Variants in TMIGD1 observed in about 807,000 individuals in gnomAD.
TMIGD1 encodes the protein transmembrane and immunoglobulin domain-containing protein 1.
A neutral mutation model predicts 27.5 loss-of-function variants in TMIGD1; 29 were observed. That is an observed-to-expected ratio of 1.05 (90% CI 0.78 to 1.44). TMIGD1 has a LOEUF of 1.44. Ranked by LOEUF, TMIGD1 falls within the 40% of genes most tolerant of loss-of-function variation. The probability of loss-of-function intolerance (pLI) is 0.00; values close to 1 mark genes in which losing one functional copy is unlikely to be tolerated. For missense variants in TMIGD1, 334 were observed against 310.6 expected (o/e 1.08, Z -0.57); for synonymous variants, 109 against 110.3 (o/e 0.99, Z 0.07).
At chr17:30,322,399 A>G (rs1909647402) in intron 4 of TMIGD1, among the ~76,000 whole-genome samples, 2 of 152,256 alleles carry the variant, frequency 1.3e-5, no homozygotes, top group Admixed American at 1.3e-4. Context: ...AGGTGGGACA[A>G]TAAGAAAAAG....
chr17:30,324,578 T>G (rs1006161396), intron 4 of TMIGD1, among the ~76,000 whole-genome samples: 1 of 152,220 alleles, frequency 6.6e-6, no homozygotes, highest in African/African-American at 2.4e-5. Flanking sequence ...TTTCCTATAT[T>G]TGGTTCTAAG....
chr17:30,333,775 T>C (rs1299893759), intron 1 of TMIGD1, among the ~76,000 whole-genome samples: 1 of 152,172 alleles, frequency 6.6e-6, no homozygotes, highest in African/African-American at 2.4e-5. Context: ...ATGTGGTCAA[T>C]AGTAGAGTTT....
chr17:30,316,701 T>C lies in TMIGD1; in HGVS notation c.786-11A>G, dbSNP rs1367396492. ...TCTCAGCTTTCTCATCTGAAATGAA[T>C]GAAGAAATTAATAATAATGATGCTC... On this transcript the variant is annotated splice_polypyrimidine_tract_variant and intron_variant, in intron 6 of 6. Transcript: ENST00000328886. 4 of 1,612,504 alleles carry C rather than the reference T, an allele frequency of 2.5e-6. No individual in the cohort carries two copies. The highest frequency in any genetic ancestry group is 3.4e-6 in the Non-Finnish European group (4 of 1,179,296).
At position 30,332,034 on chromosome 17, in the gene TMIGD1, A is replaced by G. The variant is rs745774564; in HGVS notation, c.82+18T>C. 1.9e-6 allele frequency: 3 copies of G among 1,581,990 alleles called. No individual in the cohort carries two copies. The highest frequency in any genetic ancestry group is 3.5e-5 in the Admixed American group (2 of 57,496). On this transcript the variant is annotated intron_variant, in intron 2 of 6. Transcript: ENST00000328886. ...TTTTTCTTTATCTAAAAAGAGGCCA[A>G]AAAGAACTTTAACTTACTTGTCATC...
chr17:30,320,041 A>T (rs552109560), intron 4 of TMIGD1, among the ~76,000 whole-genome samples: 11 of 144,840 alleles, frequency 7.6e-5, no homozygotes, highest in African/African-American at 2.3e-4. Context: ...ACTGAGAGCT[A>T]TTTTTTTTTT....
chr17:30,323,755 G>A (rs889225167), intron 4 of TMIGD1, among the ~76,000 whole-genome samples: 5 of 151,886 alleles, frequency 3.3e-5, no homozygotes, highest in Admixed American at 3.3e-4. Flanking sequence ...TCTTGGGGGA[G>A]GTAAATAACC....
intron 5 of TMIGD1, among the ~76,000 whole-genome samples, chr17:30,318,532 A>C (rs1909494445): frequency 6.6e-6 from 1 of 152,164 alleles, no homozygotes; most frequent in South Asian, 2.1e-4. Flanking sequence ...AGGGCAATTT[A>C]AAAGGAGGAA....
intron 1 of TMIGD1, among the ~76,000 whole-genome samples, chr17:30,332,564 T>C (rs1910014648): frequency 6.6e-6 from 1 of 152,184 alleles, no homozygotes; most frequent in Non-Finnish European, 1.5e-5. Flanking sequence ...AGATGTTCTC[T>C]GATAATAGAG....
intron 3 of TMIGD1, among the ~76,000 whole-genome samples, chr17:30,328,189 C>T (rs905979091): frequency 1.3e-5 from 2 of 152,024 alleles, no homozygotes; most frequent in Non-Finnish European, 2.9e-5. Context: ...TGCCTACCAC[C>T]GCACCTGGCC....
chr17:30,332,252 C>T (rs1910006075), intron 1 of TMIGD1, 94 bp from the exon 2 acceptor site: 3 of 655,362 alleles, frequency 4.6e-6, no homozygotes, highest in Non-Finnish European at 7.9e-6. Context: ...AGTGAAGTCC[C>T]AGATGAATCA....
At chr17:30,319,261 A>AAAAAAAAAAAAAAAAATATATATATATAT in intron 4 of TMIGD1, among the ~76,000 whole-genome samples, 40 of 68,960 alleles carry the variant, frequency 5.8e-4, no homozygotes, top group Admixed American at 1.3e-3. Flanking sequence ...AAAAAAAAAA[A>AAAAAAAAAAAAAAAAATATATATATATAT]ATATATATAT....
intron 3 of TMIGD1, among the ~76,000 whole-genome samples, chr17:30,326,227 C>T (rs951452530): frequency 6.6e-6 from 1 of 152,096 alleles, no homozygotes; most frequent in Non-Finnish European, 1.5e-5. Context: ...GGAACAATTC[C>T]ATTTGTGGAC....
At chr17:30,318,674 T>G (rs1909501147) in intron 5 of TMIGD1, 136 bp downstream of exon 5, 1 of 593,002 alleles carries the variant, frequency 1.7e-6, no homozygotes, top group East Asian at 2.8e-5. Flanking sequence ...AGCAACTGTA[T>G]TTTAGATCTC....
At chr17:30,319,533 C>A (rs1403272652) in intron 4 of TMIGD1, among the ~76,000 whole-genome samples, 1 of 151,208 alleles carries the variant, frequency 6.6e-6, no homozygotes, top group Non-Finnish European at 1.5e-5. Flanking sequence ...ATGAGTAACT[C>A]CCCTAAAACA....
chr17:30,318,939 T>G, intron 4 of TMIGD1, 26 bp from the exon 5 acceptor site: 1 of 1,516,106 alleles, frequency 6.6e-7, no homozygotes, highest in East Asian at 2.3e-5. Context: ...ACACAGGGAA[T>G]AAGAATGAAC....
chr17:30,316,463 A>G lies in TMIGD1; in HGVS notation c.*224T>C. 1 of 512,642 alleles carries G rather than the reference A, an allele frequency of 2.0e-6. No homozygotes were observed. The highest frequency in any genetic ancestry group is 3.0e-5 in the South Asian group (1 of 33,666). 31.8% of individuals were successfully genotyped at this position (512,642 alleles called of 1,614,324 possible). On this transcript the variant is annotated 3_prime_UTR_variant, in exon 7 of 7. Coordinates refer to ENST00000328886, the MANE Select transcript of TMIGD1 (RefSeq NM_206832.3). The stretch of plus-strand genomic sequence containing the variant: ...ATCTCAATTAATTAACATATACTTC[A>G]AGGAGAAGACTTAACAAAATCTTAC...
At chr17:30,326,264 T>G (rs1158953574) in intron 3 of TMIGD1, among the ~76,000 whole-genome samples, 1 of 152,212 alleles carries the variant, frequency 6.6e-6, no homozygotes, top group Non-Finnish European at 1.5e-5. Context: ...TTCTTTCTAT[T>G]TAACTATTTG....
chr17:30,326,078 T>C (rs947164574), intron 3 of TMIGD1, among the ~76,000 whole-genome samples: 2 of 152,160 alleles, frequency 1.3e-5, no homozygotes, highest in African/African-American at 2.4e-5. Context: ...GTAGGCTGTG[T>C]TATTAATAAC....
chr17:30,319,239 A>T (rs1909525531), intron 4 of TMIGD1, among the ~76,000 whole-genome samples: 1 of 106,592 alleles, frequency 9.4e-6, no homozygotes, highest in Non-Finnish European at 1.8e-5. Flanking sequence ...CCCCATCTGT[A>T]AAAAAAAAAG....
Sources: gnomAD v4.1 joint callset for allele counts (sites outside exome capture counted in the v4.1 genomes callset) on GRCh38, gnomAD v4.1.1 for gene constraint, MANE v1.5 for transcripts, NCBI Gene and HGNC (gene_info 2026-07-23, HGNC 2026-07-21) for gene names.